Variants in USPL1 observed in about 807,000 individuals in gnomAD.
USPL1 encodes ubiquitin specific peptidase like 1.
Under a neutral mutation model 51.5 loss-of-function variants are expected in USPL1, and 27 were observed. The observed-to-expected ratio is 0.52, with a 90% CI of 0.39 to 0.72. USPL1 has a LOEUF of 0.72. Ranked by LOEUF, USPL1 falls within the 30% of genes least tolerant of loss-of-function variation. USPL1 has a pLI of 0.00. For synonymous variants in USPL1, 451 were observed against 459.6 expected, an observed-to-expected ratio of 0.98 and a Z score of 0.24; for missense variants, 1,226 against 1,268.0, an observed-to-expected ratio of 0.97 and a Z score of 0.50.
chr13:30,644,528 T>C lies in USPL1; in HGVS notation c.1112+1771T>C, dbSNP rs569205954. ...AGTTGAAAAAATTATGGACGAGAAG[T>C]TATCATTGAAATTAACTGTTGGCAG... On this transcript the variant is annotated intron_variant, in intron 6 of 8. Coordinates refer to ENST00000255304, the MANE Select transcript of USPL1 (RefSeq NM_005800.5). 1.2e-3 allele frequency among the ~76,000 whole-genome samples: 175 copies of C among 152,014 alleles called. 1 individual carries two copies. The highest frequency in any genetic ancestry group is 4.2e-3 in the African/African-American group (172 of 41,436).
At chr13:30,655,509 A>G (rs578166684) in intron 8 of USPL1, among the ~76,000 whole-genome samples, 1 of 152,188 alleles carries the variant, frequency 6.6e-6, no homozygotes, top group Non-Finnish European at 1.5e-5. Flanking sequence ...TATCCCTCAC[A>G]ATCTTAAGAT....
chr13:30,641,906 ATTTT>A (rs779288804), intron 5 of USPL1, among the ~76,000 whole-genome samples: 7 of 141,454 alleles, frequency 4.9e-5, no homozygotes, highest in African/African-American at 1.8e-4. Context: ...CATTTCCATA[ATTTT>A]TTTTTTTTTT....
intron 3 of USPL1, among the ~76,000 whole-genome samples, chr13:30,627,109 G>GT (rs1285602255): frequency 6.6e-6 from 1 of 151,774 alleles, no homozygotes; most frequent in Admixed American, 6.6e-5. Flanking sequence ...ACAGGATTAG[G>GT]TTTTTTTCAG....
intron 5 of USPL1, among the ~76,000 whole-genome samples, chr13:30,641,882 C>A (rs1419440815): frequency 6.6e-6 from 1 of 151,884 alleles, no homozygotes; most frequent in African/African-American, 2.4e-5. Flanking sequence ...CATTTTTTAA[C>A]ATCTGTAGCA....
At chr13:30,642,909 T>C in intron 6 of USPL1, 152 bp downstream of exon 6, 1 of 910,436 alleles carries the variant, frequency 1.1e-6, no homozygotes, top group Non-Finnish European at 1.6e-6. Context: ...TAGTAGGATA[T>C]TTCCTAAGGA....
At position 30,658,419 on chromosome 13, in the gene USPL1, A is replaced by G; in HGVS notation, c.2342A>G (p.Asn781Ser). The G allele has an allele frequency of 6.2e-7, 1 of 1,613,666 alleles. No homozygotes were observed. Among genetic ancestry groups the G allele is most frequent in the South Asian group, 1.1e-5 (1 of 91,062 alleles). ...MPLCVSAHNR[N>S]TITDLQPSVK... ...CTCTGTGTTTCAGCTCATAATAGAA[A>G]CACTATAACTGATTTACAACCTTCA... Residue 781 changes from asparagine to serine, a missense_variant, in exon 9 of 9, where the codon AAC (asparagine) becomes AGC (serine). Asn to Ser is a conservative substitution (Grantham distance 46). Coordinates refer to ENST00000255304, the MANE Select transcript of USPL1 (RefSeq NM_005800.5).
In USPL1 at chr13:30,637,746, G is replaced by A; in HGVS notation, c.871G>A (p.Gly291Arg). 1 of 1,605,426 alleles carries A rather than the reference G, an allele frequency of 6.2e-7. No individual in the cohort carries two copies. The highest frequency in any genetic ancestry group is 1.1e-5 in the South Asian group (1 of 90,292). The change falls in exon 5 of 9, where the codon GGA (glycine) becomes AGA (arginine). Residue 291 changes from glycine to arginine, a missense_variant and splice_region_variant. Transcript: ENST00000255304. Reference protein sequence around the residue: ...YTSQLSGVKDGDCKKLTSEIF... With the variant: ...YTSQLSGVKDRDCKKLTSEIF... ...TAATGTTCTCTGTATTTTCTTAGAT[G>A]GAGATTGTAAAAAACTTACCTCAGA...
At position 30,658,566 on chromosome 13, in the gene USPL1, C is replaced by G; in HGVS notation, c.2489C>G (p.Ala830Gly). Residue 830 changes from alanine to glycine, a missense_variant, in exon 9 of 9, where the codon GCA becomes GGA. Physicochemically the swap from Ala to Gly is moderately conservative, Grantham distance 60 (BLOSUM62 0). Transcript: ENST00000255304. ...CCTCCTCCCATCAGTAAGCCACCAG[C>G]AGGCCCTCCATCGTCTAATGGCACA... is the stretch of plus-strand genomic sequence containing the variant. ...SKPPPISKPP[A>G]GPPSSNGTAA... The G allele has an allele frequency of 6.2e-7, 1 of 1,614,166 alleles. No individual in the cohort carries two copies. The highest frequency in any genetic ancestry group is 8.5e-7 in the Non-Finnish European group (1 of 1,180,004).
In USPL1 at chr13:30,657,683, G is replaced by A. The variant is rs765753112; in HGVS notation, c.1606G>A (p.Val536Met). The change falls in exon 9 of 9, where the codon GTG becomes ATG. Residue 536 changes from valine (V) to methionine (M), a missense_variant. Coordinates refer to ENST00000255304, the MANE Select transcript of USPL1 (RefSeq NM_005800.5). ...EKPVSLTSCS[V>M]GDAASAETAS... Reference sequence around the variant, plus strand: ...ACCAGTATCTTTAACATCGTGTTCTGTGGGTGATGCTGCCTCAGCTGAAAC... The same window carrying A: ...ACCAGTATCTTTAACATCGTGTTCTATGGGTGATGCTGCCTCAGCTGAAAC... 4 of 1,614,142 alleles carry A rather than the reference G, an allele frequency of 2.5e-6. No homozygotes were observed. The highest frequency in any genetic ancestry group is 1.3e-5 in the African/African-American group (1 of 75,050).
chr13:30,626,296 A>G (rs1950714917), intron 3 of USPL1, among the ~76,000 whole-genome samples: 1 of 150,932 alleles, frequency 6.6e-6, no homozygotes, highest in Admixed American at 6.6e-5. Context: ...CCTGGGCGAC[A>G]GAGGAGACTC....
intron 6 of USPL1, among the ~76,000 whole-genome samples, chr13:30,644,101 G>T (rs1436216720): frequency 6.6e-6 from 1 of 151,802 alleles, no homozygotes; most frequent in East Asian, 2.0e-4. Flanking sequence ...TGGCCAACAT[G>T]GTGAAACGCT....
At chr13:30,626,364 C>G (rs1950716825) in intron 3 of USPL1, among the ~76,000 whole-genome samples, 1 of 150,444 alleles carries the variant, frequency 6.6e-6, no homozygotes, top group Non-Finnish European at 1.5e-5. Flanking sequence ...AGAAGAATAC[C>G]CTTTCATAAT....
chr13:30,618,625 G>A (rs992107122), intron 1 of USPL1, among the ~76,000 whole-genome samples: 2 of 152,104 alleles, frequency 1.3e-5, no homozygotes, highest in Admixed American at 1.3e-4. Flanking sequence ...CGATTCCCAG[G>A]GCCACCTTGA....
In USPL1 at chr13:30,637,850, C is replaced by T. The variant is rs1470528642; in HGVS notation, c.975C>T (p.Cys325=). 2 of 1,610,964 alleles carry T rather than the reference C, an allele frequency of 1.2e-6. No homozygotes were observed. Among genetic ancestry groups the T allele is most frequent in the Non-Finnish European group, 8.5e-7 (1 of 1,177,572 alleles). The stretch of plus-strand genomic sequence containing the variant: ...TTAGCCTTCAGCCCCAGCTTAGATG[C>T]ACATTAGGTAAGTAATTGGTAAAAC... ...IFISLQPQLR[C]TLGDMESPVF... Residue 325 remains cysteine (C), a synonymous_variant, in exon 5 of 9, where the codon TGC becomes TGT. Coordinates refer to ENST00000255304, the MANE Select transcript of USPL1 (RefSeq NM_005800.5).
intron 5 of USPL1, among the ~76,000 whole-genome samples, chr13:30,639,076 C>T (rs1200566873): frequency 1.3e-5 from 2 of 151,410 alleles, no homozygotes; most frequent in Non-Finnish European, 2.9e-5. Context: ...ATTAGCCGGG[C>T]GTGGTAGTGT....
intron 4 of USPL1, among the ~76,000 whole-genome samples, chr13:30,634,672 G>T (rs1276218292): frequency 6.6e-6 from 1 of 152,150 alleles, no homozygotes; most frequent in Non-Finnish European, 1.5e-5. Flanking sequence ...CATTTGGGGG[G>T]CAAGTCTCCT....
intron 7 of USPL1, among the ~76,000 whole-genome samples, chr13:30,650,980 C>T (rs528428119): frequency 6.0e-5 from 9 of 150,262 alleles, no homozygotes; most frequent in East Asian, 1.9e-4. Context: ...CAGAGTGAGA[C>T]GCCATCTCAA....
At chr13:30,636,021 A>G (rs1034072840) in intron 4 of USPL1, among the ~76,000 whole-genome samples, 2 of 152,326 alleles carry the variant, frequency 1.3e-5, no homozygotes, top group South Asian at 4.1e-4. Context: ...TTTGTTAGGT[A>G]AGAAATATTT....
rs905306545 is a variant in USPL1 at position 30,660,301 on chromosome 13, G to A, written c.*945G>A. The A allele has an allele frequency of 6.6e-6, 1 of 152,256 alleles. No homozygotes were observed. The highest frequency in any genetic ancestry group is 2.4e-5 in the African/African-American group (1 of 41,458). The allele number at this position is 152,256 out of a possible 1,614,324, so 9.4% of individuals were successfully genotyped here. ...AGGCCCTCCCTGTTCATGGCTTCCA[G>A]GCTTACCCCCCTGCTTTGATCTGAG... On this transcript the variant is annotated 3_prime_UTR_variant, in exon 9 of 9. Transcript: ENST00000255304.
Sources: gnomAD v4.1 joint callset for allele counts (sites outside exome capture counted in the v4.1 genomes callset) on GRCh38, gnomAD v4.1.1 for gene constraint, MANE v1.5 for transcripts, NCBI Gene and HGNC (gene_info 2026-07-23, HGNC 2026-07-21) for gene names.